Variants in IGF2R observed in about 807,000 individuals in gnomAD.
IGF2R encodes the protein cation-independent mannose-6-phosphate receptor.
A neutral mutation model predicts 270.6 loss-of-function variants in IGF2R; 91 were observed. The observed-to-expected ratio is 0.34, with a 90% CI of 0.28 to 0.40. IGF2R has a LOEUF of 0.40. Ranked by LOEUF, IGF2R falls within the 10% of genes least tolerant of loss-of-function variation. The pLI is 1.00. For missense variants in IGF2R, 2,805 were observed against 3,188.3 expected (o/e 0.88, Z 2.90); for synonymous variants, 1,316 against 1,258.9 (o/e 1.05, Z -0.96).
At chr6:160,083,671 C>T (rs144883411) in intron 39 of IGF2R, among the ~76,000 whole-genome samples, 11 of 152,326 alleles carry the variant, frequency 7.2e-5, no homozygotes, top group South Asian at 2.1e-4. Context: ...TGACTTTTAC[C>T]GAGTATACTG....
intron 18 of IGF2R, among the ~76,000 whole-genome samples, chr6:160,048,909 A>G (rs528507632): frequency 6.6e-6 from 1 of 152,284 alleles, no homozygotes; most frequent in African/African-American, 2.4e-5. Flanking sequence ...GATTAGGGGG[A>G]AAAACCGATT....
intron 29 of IGF2R, among the ~76,000 whole-genome samples, chr6:160,067,217 C>T (rs1291653047): frequency 6.6e-6 from 1 of 152,040 alleles, no homozygotes; most frequent in Non-Finnish European, 1.5e-5. Flanking sequence ...TGCCTCGGGC[C>T]CTTTGCTCAT....
At chr6:160,012,171 A>G (rs569249009) in intron 4 of IGF2R, among the ~76,000 whole-genome samples, 23 of 152,304 alleles carry the variant, frequency 1.5e-4, no homozygotes, top group African/African-American at 5.3e-4. Flanking sequence ...AGTGGAAAGA[A>G]TTAAGGCTGA....
intron 39 of IGF2R, among the ~76,000 whole-genome samples, 189 bp downstream of exon 39, chr6:160,080,464 A>T (rs976816467): frequency 1.3e-5 from 2 of 152,164 alleles, no homozygotes; most frequent in Non-Finnish European, 2.9e-5. Flanking sequence ...GGGTAACCGT[A>T]TCTACAGACC....
chr6:160,064,865 C>T lies in IGF2R; in HGVS notation c.4079C>T (p.Ala1360Val). The T allele has an allele frequency of 6.2e-7, 1 of 1,613,100 alleles. No individual in the cohort carries two copies. The highest frequency in any genetic ancestry group is 8.5e-7 in the Non-Finnish European group (1 of 1,179,002). The stretch of plus-strand genomic sequence containing the variant: ...TTGTTTGAGTGGCGAACGCAGTATG[C>T]CTGCCCACCTTTCGATCTGACTGAA... The part of the protein sequence containing the change: ...SYLFEWRTQY[A>V]CPPFDLTECS... Residue 1360 changes from alanine to valine, a missense_variant, in exon 29 of 48, where the codon GCC becomes GTC. Physicochemically the swap from Ala to Val is moderately conservative, Grantham distance 64. Coordinates refer to ENST00000356956, the MANE Select transcript of IGF2R (RefSeq NM_000876.4).
rs970084930 is a variant in IGF2R at position 160,096,431 on chromosome 6, T to G, written c.6656-8T>G. On this transcript the variant is annotated splice_region_variant and splice_polypyrimidine_tract_variant and intron_variant, in intron 44 of 47. Transcript: ENST00000356956. The stretch of plus-strand genomic sequence containing the variant: ...TGACATGCCATGTGTGCCCTTCCCG[T>G]TTGACAGACGGCGATCTCGATGTCG... 1.9e-6 allele frequency: 3 copies of G among 1,607,920 alleles called. No individual in the cohort carries two copies. Among genetic ancestry groups the G allele is most frequent in the Non-Finnish European group, 2.6e-6 (3 of 1,175,832 alleles).
rs1252186658 is a variant in IGF2R, at chr6:160,071,285, G to A, written c.4444-625G>A. On this transcript the variant is annotated intron_variant, in intron 31 of 47. Coordinates refer to ENST00000356956, the MANE Select transcript of IGF2R (RefSeq NM_000876.4). ...GCCCAGGAGGCTGGGAGGGAAGGGTGGGGGTGTGTCGAGGCCCCTGTGCCC... is the reference window on the plus strand; with the variant it reads ...GCCCAGGAGGCTGGGAGGGAAGGGTAGGGGTGTGTCGAGGCCCCTGTGCCC... 2.4e-4 allele frequency among the ~76,000 whole-genome samples: 18 copies of A among 76,018 alleles called. 1 individual carries two copies. The highest frequency in any genetic ancestry group is 1.2e-3 in the African/African-American group (17 of 13,934). 49.9% of individuals were successfully genotyped at this position (76,018 alleles called of 152,430 possible).
At position 159,991,329 on chromosome 6, in the gene IGF2R, T is replaced by C. The variant is rs1158672012; in HGVS notation, c.289+6T>C. The stretch of plus-strand genomic sequence containing the variant: ...ACGCACTTATCATTCAGTGGGTAAG[T>C]AGAACTACCTGAAATTACTGGATTG... On this transcript the variant is annotated splice_donor_region_variant and intron_variant, in intron 2 of 47. Transcript: ENST00000356956. 6.2e-7 allele frequency: 1 copy of C among 1,606,014 alleles called. No homozygotes were observed. Among genetic ancestry groups the C allele is most frequent in the South Asian group, 1.1e-5 (1 of 89,090 alleles).
rs761132104 is a variant in IGF2R at position 160,083,990 on chromosome 6, T to G, written c.5874T>G (p.Asp1958Glu). The change falls in exon 40 of 48, where the codon GAT becomes GAG. Residue 1958 changes from aspartate to glutamate, a missense_variant. Physicochemically the swap from Asp to Glu is conservative, Grantham distance 45 (BLOSUM62 2). Transcript: ENST00000356956. The part of the protein sequence containing the change: ...YRTSSIIFKC[D>E]EDEDIGRPQV... ...CATCCAGCATCATATTTAAGTGTGA[T>G]GAAGATGAGGACATTGGGAGGCCAC... is the stretch of plus-strand genomic sequence containing the variant. 1.5e-5 allele frequency: 25 copies of G among 1,614,062 alleles called. No homozygotes were observed. The highest frequency in any genetic ancestry group is 2.1e-5 in the Non-Finnish European group (25 of 1,180,010).
At position 160,079,698 on chromosome 6, in the gene IGF2R, T is replaced by G; in HGVS notation, c.5597T>G (p.Phe1866Cys). The G allele has an allele frequency of 6.5e-7, 1 of 1,527,898 alleles. No individual in the cohort carries two copies. Among genetic ancestry groups the G allele is most frequent in the Non-Finnish European group, 8.8e-7 (1 of 1,139,422 alleles). The allele number at this position is 1,527,898 out of a possible 1,614,324, so 94.6% of individuals were successfully genotyped here. The change falls in exon 38 of 48, where the codon TTT (phenylalanine) becomes TGT (cysteine). Residue 1866 changes from phenylalanine (F) to cysteine (C), a missense_variant. Around this residue, in one of 2 missense-constraint regions of IGF2R, gnomAD observed 1,851 missense variants for 2,207.2 expected, o/e 0.84. Transcript: ENST00000356956. ...CTCTCAGGCACCAAGGGGGCATCCT[T>G]TGGACGGCTGCAATCAATGAAACTG... ...CLLSGTKGAS[F>C]GRLQSMKLDY... is the part of the protein sequence containing the mutation.
At chr6:160,040,821 G>T in intron 11 of IGF2R, 97 bp downstream of exon 11, 2 of 1,286,138 alleles carry the variant, frequency 1.6e-6, no homozygotes, top group Non-Finnish European at 2.2e-6. Flanking sequence ...TTCTTTGTCA[G>T]TGGGTTGCGT....
Position 160,082,039 on chromosome 6 carries a change from A to G in IGF2R, c.5833+1764A>G, listed in dbSNP as rs565481692. On this transcript the variant is annotated intron_variant, in intron 39 of 47. Transcript: ENST00000356956. Reference sequence around the variant, plus strand: ...AAAGTAAAGACAGGCATAGGAAATTATAATATTGATTGGGGAAGTGATAAA... The same window carrying G: ...AAAGTAAAGACAGGCATAGGAAATTGTAATATTGATTGGGGAAGTGATAAA... Among the ~76,000 whole-genome samples the G allele has an allele frequency of 3.3e-3, 497 of 152,364 alleles. 5 individuals are homozygous for G. The highest frequency in any genetic ancestry group is 0.012 in the African/African-American group (484 of 41,578).
chr6:159,986,331 A>C, intron 1 of IGF2R, among the ~76,000 whole-genome samples: 1 of 150,086 alleles, frequency 6.7e-6, no homozygotes, highest in African/African-American at 2.5e-5. Context: ...TCCTGGATTC[A>C]AGCTATTCTC....
chr6:160,052,162 A>G (rs574511955), intron 19 of IGF2R, among the ~76,000 whole-genome samples: 106 of 152,290 alleles, frequency 7.0e-4, no homozygotes, highest in African/African-American at 2.2e-3. Context: ...AGGATGTGCT[A>G]CTATACTGCA....
intron 4 of IGF2R, among the ~76,000 whole-genome samples, chr6:160,018,221 AG>A (rs1200279750): frequency 1.3e-5 from 2 of 152,172 alleles, no homozygotes; most frequent in Non-Finnish European, 2.9e-5. Context: ...ACCTATACTT[AG>A]ATAAAACTGA....
In IGF2R at chr6:160,077,118, C is replaced by G. The variant is rs1043128551; in HGVS notation, c.5317-1083C>G. Among the ~76,000 whole-genome samples, 4 of 152,192 alleles carry G rather than the reference C, an allele frequency of 2.6e-5. No individual in the cohort carries two copies. In the East Asian group the frequency reaches 5.8e-4, roughly 22 times the overall value. On this transcript the variant is annotated intron_variant, in intron 36 of 47. Coordinates refer to ENST00000356956, the MANE Select transcript of IGF2R (RefSeq NM_000876.4). ...GAAACAGTCCTGCTGTTTGGGGCTA[C>G]TCCACAGGGGCCCAGAGCACCTCAA...
intron 4 of IGF2R, among the ~76,000 whole-genome samples, chr6:160,013,581 C>T (rs1305596219): frequency 6.6e-6 from 1 of 152,298 alleles, no homozygotes; most frequent in East Asian, 1.9e-4. Flanking sequence ...CTTACCTCTT[C>T]AGGTGTAATT....
chr6:160,087,124 CA>C (rs1779112766), intron 41 of IGF2R, among the ~76,000 whole-genome samples: 1 of 152,170 alleles, frequency 6.6e-6, no homozygotes, highest in African/African-American at 2.4e-5. Context: ...TTCGAGGGCT[CA>C]GGTTTTTCTT....
chr6:160,102,706 A>C lies in IGF2R; in HGVS notation c.6995+35A>C, dbSNP rs747048138. ...TGGCAGGGCGAGGTGGGGCGGGTGG[A>C]TGCATGCCTCCCATAGCTAATCTTG... is the stretch of plus-strand genomic sequence containing the variant. On this transcript the variant is annotated intron_variant, in intron 46 of 47. Coordinates refer to ENST00000356956, the MANE Select transcript of IGF2R (RefSeq NM_000876.4). The surrounding 1 kb of genome is among the most constrained non-coding windows in gnomAD (Gnocchi z 4.5). 250 of 1,555,012 alleles carry C rather than the reference A, an allele frequency of 1.6e-4. No individual in the cohort carries two copies. Among genetic ancestry groups the C allele is most frequent in the Admixed American group, 3.3e-4 (17 of 52,172 alleles).
Sources: allele counts gnomAD v4.1 joint callset (sites outside exome capture counted in the v4.1 genomes callset), GRCh38; gene constraint gnomAD v4.1.1; regional missense constraint gnomAD v4.1.1; non-coding constraint Gnocchi (gnomAD v3.1); transcripts MANE v1.5; gene names NCBI Gene and HGNC (gene_info 2026-07-23, HGNC 2026-07-21).